PTK2: variants seen among roughly 807,000 people sequenced by gnomAD.
The protein encoded by PTK2 is protein tyrosine kinase 2, also known as focal adhesion kinase 1.
PTK2 carries 45 observed loss-of-function variants against 150.1 expected under a neutral mutation model. The ratio of observed to expected loss-of-function variants is 0.30; its 90% confidence interval spans 0.24 to 0.38. The LOEUF is 0.38. Ranked by LOEUF, PTK2 falls within the 10% of genes least tolerant of loss-of-function variation. The pLI is 1.00. For missense variants in PTK2, 919 were observed against 1,307.3 expected (o/e 0.70, Z 4.58); for synonymous variants, 432 against 449.2 (o/e 0.96, Z 0.48).
At chr8:140,698,328 T>C (rs2100028090) in intron 26 of PTK2, among the ~76,000 whole-genome samples, 1 of 152,248 alleles carries the variant, frequency 6.6e-6, no homozygotes, top group Non-Finnish European at 1.5e-5. Flanking sequence ...CAATTCTGTC[T>C]GGTAAAAGAG....
chr8:141,000,126 C>CA (rs1555522723), intron 1 of PTK2, among the ~76,000 whole-genome samples: 70,169 of 142,094 alleles, frequency 0.49, 18,231 homozygotes, highest in African/African-American at 0.65. Context: ...CACACACACA[C>CA]CCCTTCTTCT....
chr8:140,865,048 GT>G (rs2100138479), intron 4 of PTK2, among the ~76,000 whole-genome samples: 3 of 152,134 alleles, frequency 2.0e-5, no homozygotes, highest in Admixed American at 2.0e-4. Context: ...GGGTGTTCCA[GT>G]TCCTCTATAT....
chr8:140,845,159 T>C (rs2100124625), intron 7 of PTK2, among the ~76,000 whole-genome samples: 2 of 152,296 alleles, frequency 1.3e-5, no homozygotes, highest in Admixed American at 6.5e-5. Flanking sequence ...TTTAATGAAA[T>C]TCTAATCTCA....
rs574434547 is a variant in PTK2, at chr8:140,880,654, CTTG to C, written c.196-1020_196-1018del. Among the ~76,000 whole-genome samples, 678 of 152,242 alleles carry C rather than the reference CTTG, an allele frequency of 4.5e-3. 1 individual carries two copies. The highest frequency in any genetic ancestry group is 7.4e-3 in the Non-Finnish European group (506 of 68,022). On this transcript the variant is annotated intron_variant, in intron 3 of 31. Transcript: ENST00000522684. ...GCAATTAATTGAAGCTATAATACAA[CTTG>C]TTAAGACATACAAAAAAGTTCCTGC... is the stretch of plus-strand genomic sequence containing the variant.
chr8:140,808,586 T>C (rs1211191940), intron 10 of PTK2, among the ~76,000 whole-genome samples: 7 of 152,092 alleles, frequency 4.6e-5, no homozygotes, highest in Non-Finnish European at 1.0e-4. Flanking sequence ...TATTACCTGC[T>C]CATAAGCCAA....
At chr8:140,735,144 C>T (rs775793139) in intron 22 of PTK2, 107 bp downstream of exon 25, 43 of 1,027,902 alleles carry the variant, frequency 4.2e-5, no homozygotes, top group Middle Eastern at 3.1e-4. Flanking sequence ...AAAAATAGTT[C>T]GGCCTTAGAC....
intron 5 of PTK2, among the ~76,000 whole-genome samples, chr8:140,858,922 T>C (rs1010548173): frequency 4.3e-4 from 65 of 152,202 alleles, no homozygotes; most frequent in African/African-American, 1.5e-3. Flanking sequence ...ATTTTCAAAA[T>C]GAGCCAAAAG....
intron 1 of PTK2, among the ~76,000 whole-genome samples, chr8:140,999,466 A>G (rs1229969014): frequency 1.3e-5 from 2 of 152,380 alleles, no homozygotes; most frequent in East Asian, 3.9e-4. Context: ...CACCAAGGAT[A>G]ACCACAAATA....
At chr8:140,746,659 C>T in intron 18 of PTK2, 101 bp downstream of exon 21, 4 of 807,442 alleles carry the variant, frequency 5.0e-6, no homozygotes, top group Non-Finnish European at 7.8e-6. Flanking sequence ...TAAATCAGAA[C>T]TCTCCTGAAA....
intron 26 of PTK2, among the ~76,000 whole-genome samples, chr8:140,692,637 A>G (rs1298032782): frequency 1.7e-5 from 2 of 116,878 alleles, no homozygotes; most frequent in Non-Finnish European, 3.9e-5. Flanking sequence ...AAAAACAAAC[A>G]AGCCAAAAAA....
At chr8:140,879,673 AC>A in intron 3 of PTK2, 36 bp from the exon 4 acceptor site, 2 of 340,942 alleles carry the variant, frequency 5.9e-6, no homozygotes, top group Non-Finnish European at 9.6e-6. Context: ...ACTGTTATAA[AC>A]TGAAAAAAAA....
At chr8:140,787,154 GA>G (rs1416254036) in intron 14 of PTK2, among the ~76,000 whole-genome samples, 1 of 152,176 alleles carries the variant, frequency 6.6e-6, no homozygotes, top group African/African-American at 2.4e-5. Context: ...AGAAGGTACT[GA>G]AGTATGAACT....
chr8:140,691,186 G>T (rs1171832871), intron 26 of PTK2, among the ~76,000 whole-genome samples: 3 of 143,818 alleles, frequency 2.1e-5, no homozygotes, highest in Non-Finnish European at 3.1e-5. Flanking sequence ...TCTTCTTTTA[G>T]AGATGGTTGG....
chr8:140,982,060 TCAATA>T (rs2100191635), intron 1 of PTK2, among the ~76,000 whole-genome samples: 1 of 46,880 alleles, frequency 2.1e-5, no homozygotes, highest in African/African-American at 5.4e-5. Context: ...CTTCACCAAC[TCAATA>T]AAAAAAAAAA....
At chr8:140,893,709 G>A (rs572235801) in intron 2 of PTK2, among the ~76,000 whole-genome samples, 1 of 152,168 alleles carries the variant, frequency 6.6e-6, no homozygotes, top group African/African-American at 2.4e-5. Context: ...TTAGATCATG[G>A]TGATGGTTGA....
intron 2 of PTK2, among the ~76,000 whole-genome samples, chr8:140,894,878 A>G (rs541029929): frequency 6.6e-6 from 1 of 152,336 alleles, no homozygotes; most frequent in South Asian, 2.1e-4. Flanking sequence ...TCTGAAGAGC[A>G]CGATTAACAA....
intron 26 of PTK2, 122 bp from the exon 30 acceptor site, chr8:140,686,816 TC>T (rs1455016041): frequency 4.7e-6 from 4 of 854,490 alleles, no homozygotes; most frequent in South Asian, 3.2e-5. Flanking sequence ...AGTTGAAAGT[TC>T]CCCCGTTTCA....
chr8:140,956,808 T>A (rs2154609245), intron 1 of PTK2, among the ~76,000 whole-genome samples: 1 of 152,330 alleles, frequency 6.6e-6, no homozygotes, highest in East Asian at 1.9e-4. Context: ...CTCACACCTG[T>A]AATCCCAGCA....
At chr8:140,715,281 T>A (rs1431049427) in intron 23 of PTK2, among the ~76,000 whole-genome samples, 1 of 147,148 alleles carries the variant, frequency 6.8e-6, no homozygotes, top group Non-Finnish European at 1.5e-5. Flanking sequence ...CAAGCAATTA[T>A]CTTGCCTCAG....
Sources: gnomAD v4.1 joint callset for allele counts (sites outside exome capture counted in the v4.1 genomes callset) on GRCh38, gnomAD v4.1.1 for gene constraint, MANE v1.5 for transcripts, NCBI Gene and HGNC (gene_info 2026-07-23, HGNC 2026-07-21) for gene names.